The following ADGB variants were observed in gnomAD, a reference collection of about 807,000 sequenced individuals.
ADGB encodes the protein androglobin, also known as calpain-7-like protein.
A neutral mutation model predicts 210.5 loss-of-function variants in ADGB; 172 were observed. The observed-to-expected ratio is 0.82, with a 90% CI of 0.72 to 0.93. The LOEUF is 0.93. Ranked by LOEUF, ADGB falls within the 40% of genes least tolerant of loss-of-function variation. The pLI, the probability that ADGB is intolerant of heterozygous loss-of-function variation, is 0.00. For synonymous variants in ADGB, 658 were observed against 662.7 expected (o/e 0.99, Z 0.11); for missense variants, 2,025 against 1,964.8 (o/e 1.03, Z -0.58).
chr6:146,786,585 C>T (rs147878845), intron 32 of ADGB, among the ~76,000 whole-genome samples: 5 of 152,292 alleles, frequency 3.3e-5, no homozygotes, highest in African/African-American at 1.2e-4. Flanking sequence ...CCTATAGCAA[C>T]TATGAGGTAT....
intron 16 of ADGB, 55 bp downstream of exon 16, chr6:146,717,654 C>A: frequency 1.2e-6 from 1 of 818,028 alleles, no homozygotes; most frequent in Non-Finnish European, 1.8e-6. Context: ...GAATTGCACC[C>A]GTAGAAAACA....
At chr6:146,672,710 G>A (rs1310685585) in intron 8 of ADGB, among the ~76,000 whole-genome samples, 2 of 143,172 alleles carry the variant, frequency 1.4e-5, no homozygotes, top group East Asian at 4.2e-4. Flanking sequence ...TGCTGTCTTT[G>A]TTTTCAGTTT....
At chr6:146,753,301 G>T (rs1777353748) in intron 27 of ADGB, among the ~76,000 whole-genome samples, 1 of 151,916 alleles carries the variant, frequency 6.6e-6, no homozygotes, top group South Asian at 2.1e-4. Flanking sequence ...TAATATTTTA[G>T]CTTTTTTGCC....
At chr6:146,719,182 TA>T (rs34970624) in intron 16 of ADGB, among the ~76,000 whole-genome samples, 59,817 of 151,948 alleles carry the variant, frequency 0.39, 12,341 homozygotes, top group East Asian at 0.48. Context: ...AAATGTGAAA[TA>T]ACATATGTAA....
chr6:146,622,974 C>G (rs1444780158), intron 1 of ADGB, among the ~76,000 whole-genome samples: 3 of 151,810 alleles, frequency 2.0e-5, no homozygotes, highest in Non-Finnish European at 4.4e-5. Flanking sequence ...TTTCTTTATT[C>G]AATTGTTTTG....
At chr6:146,813,792 C>T (rs1778339139) in intron 35 of ADGB, among the ~76,000 whole-genome samples, 1 of 152,282 alleles carries the variant, frequency 6.6e-6, no homozygotes, top group East Asian at 1.9e-4. Context: ...CAAGTAAATG[C>T]AGCAGATAGT....
Position 146,670,992 on chromosome 6 carries a change from A to G in ADGB, c.840-1228A>G, listed in dbSNP as rs1775999770. On this transcript the variant is annotated intron_variant, in intron 7 of 35. Coordinates refer to ENST00000397944, the MANE Select transcript of ADGB (RefSeq NM_024694.4). ...TGAGGTGGGGAATCCAACTCACAGA[A>G]GAAAATATATCAAGGAAATAGAAGA... 2.0e-5 allele frequency among the ~76,000 whole-genome samples: 3 copies of G among 152,298 alleles called. 1 individual carries two copies. In the South Asian group the frequency reaches 6.2e-4, roughly 32 times the overall value.
intron 1 of ADGB, among the ~76,000 whole-genome samples, chr6:146,618,022 T>C (rs1302835462): frequency 6.6e-6 from 1 of 152,104 alleles, no homozygotes; most frequent in Non-Finnish European, 1.5e-5. Context: ...ATGTATATGT[T>C]ATATATACTG....
chr6:146,669,635 T>G (rs367854164), intron 7 of ADGB, among the ~76,000 whole-genome samples: 4 of 152,212 alleles, frequency 2.6e-5, no homozygotes, highest in East Asian at 1.9e-4. Context: ...TTCTCCTTCT[T>G]ATTTTCTGCT....
At chr6:146,793,221 A>T (rs113838727) in intron 33 of ADGB, among the ~76,000 whole-genome samples, 1 of 125,176 alleles carries the variant, frequency 8.0e-6, no homozygotes, top group African/African-American at 4.0e-5. Flanking sequence ...TTTACAGAGC[A>T]CTGATTGGTG....
intron 7 of ADGB, among the ~76,000 whole-genome samples, chr6:146,670,907 C>A (rs988126498): frequency 7.2e-5 from 11 of 152,254 alleles, no homozygotes; most frequent in East Asian, 3.9e-4. Flanking sequence ...TAGTTTAATT[C>A]CTGCAGAGGA....
chr6:146,741,390 C>T (rs1281262924), intron 25 of ADGB, 119 bp downstream of exon 25: 6 of 841,728 alleles, frequency 7.1e-6, no homozygotes, highest in African/African-American at 1.8e-5. Context: ...CAAATAAGGC[C>T]CTGATCTTTC....
chr6:146,695,421 T>A (rs1776389119), intron 12 of ADGB, among the ~76,000 whole-genome samples: 1 of 152,132 alleles, frequency 6.6e-6, no homozygotes, highest in Non-Finnish European at 1.5e-5. Context: ...AACAATTGGA[T>A]ATTTAACATA....
At chr6:146,807,275 A>G in intron 35 of ADGB, 6 of 910,052 alleles carry the variant, frequency 6.6e-6, no homozygotes, top group Non-Finnish European at 9.9e-6. Flanking sequence ...ACTAATTTTC[A>G]TCTTCAATCA....
intron 26 of ADGB, 145 bp from the exon 27 acceptor site, chr6:146,752,385 C>T (rs1297217966): frequency 1.5e-6 from 1 of 657,946 alleles, no homozygotes. Flanking sequence ...GATCCAATTA[C>T]CTCTCACCAG....
chr6:146,623,401 T>C (rs1223241327), intron 1 of ADGB, among the ~76,000 whole-genome samples: 1 of 151,958 alleles, frequency 6.6e-6, no homozygotes, highest in Non-Finnish European at 1.5e-5. Context: ...AGTTTCAGTC[T>C]ACTGGTCTTG....
chr6:146,649,497 AT>A (rs35622724), intron 3 of ADGB, among the ~76,000 whole-genome samples: 199 of 145,088 alleles, frequency 1.4e-3, no homozygotes, highest in Middle Eastern at 3.6e-3. Context: ...TATTTTACTA[AT>A]TTTTTTTTTT....
In ADGB at chr6:146,654,070, T is replaced by A; in HGVS notation, c.331-65T>A. 2.6e-6 allele frequency: 3 copies of A among 1,146,798 alleles called. No homozygotes were observed. In the South Asian group the frequency reaches 4.8e-5, roughly 18 times the overall value. The allele number at this position is 1,146,798 out of a possible 1,614,324, so 71.0% of individuals were successfully genotyped here. A position where few individuals can be genotyped will look rare whatever the true frequency, so the allele number is the denominator to read the frequency against. ...TTCAGGCATAAATGGATTAAAACTA[T>A]TTCATTAAATTACTTTTTTATTATT... On this transcript the variant is annotated intron_variant, in intron 3 of 35. Coordinates refer to ENST00000397944, the MANE Select transcript of ADGB (RefSeq NM_024694.4).
rs144592063 is a variant in ADGB at position 146,703,416 on chromosome 6, A to G, written c.1707+2346A>G. On this transcript the variant is annotated intron_variant, in intron 13 of 35. Transcript: ENST00000397944. ...AAAATCTTCTGTCTTATCAATTTTC[A>G]AGAATACATTAACTATAGACCCCGT... Among the ~76,000 whole-genome samples the G allele has an allele frequency of 2.0e-4, 30 of 151,840 alleles. No homozygotes were observed. In the East Asian group the frequency reaches 5.8e-3, roughly 29 times the overall value.
Sources: gnomAD v4.1 joint callset for allele counts (sites outside exome capture counted in the v4.1 genomes callset) on GRCh38, gnomAD v4.1.1 for gene constraint, MANE v1.5 for transcripts, NCBI Gene and HGNC (gene_info 2026-07-23, HGNC 2026-07-21) for gene names.